Variants in ABCC9 observed in about 807,000 individuals in gnomAD.
ABCC9 encodes the protein ATP binding cassette subfamily C member 9.
ABCC9 carries 95 observed loss-of-function variants against 188.3 expected under a neutral mutation model. That is an observed-to-expected ratio of 0.50 (90% confidence interval 0.43 to 0.60). ABCC9 has a LOEUF of 0.60. Among genes scored for constraint, ABCC9 ranks in the 20% least tolerant of loss-of-function variants. The pLI, the probability that ABCC9 is intolerant of heterozygous loss-of-function variation, is 0.00. For missense variants in ABCC9, 1,102 were observed against 1,876.3 expected, an observed-to-expected ratio of 0.59 and a Z score of 7.62; for synonymous variants, 659 against 652.7, an observed-to-expected ratio of 1.01 and a Z score of -0.15.
intron 18 of ABCC9, among the ~76,000 whole-genome samples, chr12:21,869,288 A>T (rs1182992631): frequency 6.6e-6 from 1 of 152,214 alleles, no homozygotes; most frequent in Non-Finnish European, 1.5e-5. Context: ...TCCAAAGTAT[A>T]TGCTGAATCT....
chr12:21,858,150 T>C (rs1945324038), intron 22 of ABCC9, among the ~76,000 whole-genome samples: 1 of 152,160 alleles, frequency 6.6e-6, no homozygotes, highest in Non-Finnish European at 1.5e-5. Flanking sequence ...TAAAATGAAC[T>C]GAGGAAGAAA....
chr12:21,839,799 A>G (rs929059816), intron 29 of ABCC9, among the ~76,000 whole-genome samples: 9 of 152,330 alleles, frequency 5.9e-5, no homozygotes, highest in African/African-American at 2.2e-4. Context: ...AGTGTAGTCT[A>G]GTTCCCAAAA....
intron 16 of ABCC9, among the ~76,000 whole-genome samples, 187 bp downstream of exon 16, chr12:21,882,579 A>T (rs545347831): frequency 6.6e-6 from 1 of 152,290 alleles, no homozygotes; most frequent in South Asian, 2.1e-4. Context: ...TGGAGCAAAA[A>T]TTGTGGTTGG....
At chr12:21,892,228 A>G (rs1374032269) in intron 14 of ABCC9, among the ~76,000 whole-genome samples, 3 of 152,100 alleles carry the variant, frequency 2.0e-5, no homozygotes, top group African/African-American at 7.2e-5. Context: ...ACGGAATTGT[A>G]TACCATGGAT....
intron 16 of ABCC9, among the ~76,000 whole-genome samples, chr12:21,881,918 C>G (rs1344775761): frequency 6.6e-6 from 1 of 152,166 alleles, no homozygotes; most frequent in African/African-American, 2.4e-5. Context: ...AAATATCATG[C>G]ATCAAATTAG....
rs10611051 is a variant in ABCC9, at chr12:21,816,036, G to GTTTTTTTT, written c.3893-151_3893-144dup. On this transcript the variant is annotated intron_variant, in intron 33 of 39. Coordinates refer to ENST00000261200, the MANE Select transcript of ABCC9 (RefSeq NM_020297.4). ...TAATACTGAACCAAACTATGTGGCA[G>GTTTTTTTT]TTTTTTTTTTTTTTTTTTTTTTTTT... The GTTTTTTTT allele has an allele frequency of 1.3e-3, 73 of 58,258 alleles. 7 individuals carry two copies. The highest frequency in any genetic ancestry group is 3.7e-3 in the East Asian group (5 of 1,364). The allele number at this position is 58,258 out of a possible 1,614,324, so 3.6% of individuals were successfully genotyped here.
rs570744642 is a variant in ABCC9, at chr12:21,877,251, A to G, written c.2020-1525T>C. Among the ~76,000 whole-genome samples, 307 of 152,346 alleles carry G rather than the reference A, an allele frequency of 2.0e-3. 4 individuals carry two copies. In the South Asian group the frequency reaches 0.039, roughly 20 times the overall value. Reference sequence around the variant, plus strand: ...GGGCTCAGTACCAAAGAGAGGGGACACACAGACACTAAGTACAACAGCAGC... The same window carrying G: ...GGGCTCAGTACCAAAGAGAGGGGACGCACAGACACTAAGTACAACAGCAGC... On this transcript the variant is annotated intron_variant, in intron 16 of 39. Transcript: ENST00000261200.
At chr12:21,874,132 AAAT>A (rs1355255162) in intron 17 of ABCC9, among the ~76,000 whole-genome samples, 25 of 2,726 alleles carry the variant, frequency 9.2e-3, no homozygotes, top group Non-Finnish European at 0.027. Context: ...CCAAAATATA[AAAT>A]ACAAAAAAAA....
At chr12:21,836,082 T>C (rs1289598844) in intron 30 of ABCC9, among the ~76,000 whole-genome samples, 1 of 152,186 alleles carries the variant, frequency 6.6e-6, no homozygotes, top group Non-Finnish European at 1.5e-5. Flanking sequence ...AAATCTGTGC[T>C]TTCTCTCCCG....
At chr12:21,924,917 A>G (rs1270163768) in intron 5 of ABCC9, 1 of 152,210 alleles carries the variant, frequency 6.6e-6, no homozygotes, top group Non-Finnish European at 1.5e-5. Context: ...TTTAACAATC[A>G]TATAATGTGA....
At chr12:21,809,329 A>G (rs1322174441) in intron 37 of ABCC9, among the ~76,000 whole-genome samples, 2 of 152,190 alleles carry the variant, frequency 1.3e-5, no homozygotes, top group African/African-American at 2.4e-5. Context: ...TAAAATTGAT[A>G]CTGCCTCAAG....
chr12:21,862,214 A>G (rs1389700816), intron 20 of ABCC9, among the ~76,000 whole-genome samples: 1 of 152,046 alleles, frequency 6.6e-6, no homozygotes. Context: ...ATGTCTCCAT[A>G]TATATGTATA....
intron 5 of ABCC9, among the ~76,000 whole-genome samples, chr12:21,922,633 C>G (rs747672084): frequency 1.1e-4 from 17 of 151,648 alleles, no homozygotes; most frequent in Non-Finnish European, 2.4e-4. Context: ...AACAAAAGAC[C>G]TAAATAAATG....
At chr12:21,925,692 C>T (rs1445389366) in intron 5 of ABCC9, 13 of 624,154 alleles carry the variant, frequency 2.1e-5, no homozygotes, top group East Asian at 1.9e-4. Context: ...CACCCCCCTA[C>T]ACCACAGAGA....
At chr12:21,818,360 G>T in intron 31 of ABCC9, 109 bp from the exon 32 acceptor site, 1 of 833,974 alleles carries the variant, frequency 1.2e-6, no homozygotes, top group Non-Finnish European at 2.1e-6. Context: ...TTCCATGTGT[G>T]TCCTGTTAAG....
Position 21,882,799 on chromosome 12 carries a change from TAG to T in ABCC9, c.1984_1985del (p.Leu662ThrfsTer59). On this transcript the variant is annotated frameshift_variant, in exon 16 of 40. Coordinates refer to ENST00000261200, the MANE Select transcript of ABCC9 (RefSeq NM_020297.4). LOFTEE classifies it high-confidence loss of function. ...LDSYEQSTRR[L>X]RPAETEDIAI... is the part of the protein sequence containing the mutation. Reference sequence around the variant, plus strand: ...CAATGTCCTCTGTTTCTGCGGGACGTAGACGCCGTGTTGATTGCTCATAGCTG... The same window carrying T: ...CAATGTCCTCTGTTTCTGCGGGACGTACGCCGTGTTGATTGCTCATAGCTG... 1 of 1,614,018 alleles carries T rather than the reference TAG, an allele frequency of 6.2e-7. No homozygotes were observed. Among genetic ancestry groups the T allele is most frequent in the Non-Finnish European group, 8.5e-7 (1 of 1,179,882 alleles).
chr12:21,864,533 G>A, intron 18 of ABCC9, 56 bp from the exon 19 acceptor site: 1 of 1,184,992 alleles, frequency 8.4e-7, no homozygotes, highest in Non-Finnish European at 1.3e-6. Flanking sequence ...TAGAACCAAT[G>A]TGCATACACG....
rs557989748 is a variant in ABCC9, at chr12:21,914,993, C to T, written c.816+675G>A. Among the ~76,000 whole-genome samples the T allele has an allele frequency of 7.9e-5, 12 of 151,352 alleles. 1 individual carries two copies. Among genetic ancestry groups the T allele is most frequent in the South Asian group, 2.1e-4 (1 of 4,784 alleles). On this transcript the variant is annotated intron_variant, in intron 7 of 39. Coordinates refer to ENST00000261200, the MANE Select transcript of ABCC9 (RefSeq NM_020297.4). ...TCGGCTCACCACAACTTTCGCCTCC[C>T]GGTTTCAAGCAATTCTCCTGCCTCA...
chr12:21,886,398 C>T (rs1012849780), intron 15 of ABCC9, among the ~76,000 whole-genome samples: 1 of 152,058 alleles, frequency 6.6e-6, no homozygotes, highest in African/African-American at 2.4e-5. Context: ...CAATCTATCA[C>T]AAGTCTGTAT....
Sources: gnomAD v4.1 joint callset for allele counts (sites outside exome capture counted in the v4.1 genomes callset) on GRCh38, gnomAD v4.1.1 for gene constraint, MANE v1.5 for transcripts, NCBI Gene and HGNC (gene_info 2026-07-23, HGNC 2026-07-21) for gene names.